MATN1: variants seen among roughly 807,000 people sequenced by gnomAD.
MATN1 encodes matrilin 1, also known as matrilin-1.
Under a neutral mutation model 41.3 loss-of-function variants are expected in MATN1, and 34 were observed. The ratio of observed to expected loss-of-function variants is 0.82; its 90% CI spans 0.63 to 1.10. MATN1 has a LOEUF of 1.10. Among genes scored for constraint, MATN1 ranks in the 50% least tolerant of loss-of-function variants. MATN1 has a pLI of 0.00. For missense variants in MATN1, 602 were observed against 662.4 expected (o/e 0.91, Z 1.00); for synonymous variants, 264 against 278.7 (o/e 0.95, Z 0.53).
Position 30,711,913 on chromosome 1 carries a change from G to C in MATN1, c.*1669C>G, listed in dbSNP as rs1177387318. The C allele has an allele frequency of 6.6e-6, 1 of 152,470 alleles. No individual in the cohort carries two copies. Among genetic ancestry groups the C allele is most frequent in the Non-Finnish European group, 1.5e-5 (1 of 68,080 alleles). The allele number at this position is 152,470 out of a possible 1,614,324, so 9.4% of individuals were successfully genotyped here. On this transcript the variant is annotated 3_prime_UTR_variant, in exon 8 of 8. Transcript: ENST00000373765. ...ACAGCAGAAAAACTCCTGCCCCAGG[G>C]ACGGACAGAGAGAAAGGGTTTGGTG...
chr1:30,721,191 G>C, intron 2 of MATN1: 1 of 584,038 alleles, frequency 1.7e-6, no homozygotes, highest in African/African-American at 1.9e-5. Context: ...TCCTAGGATG[G>C]AAAGGTTGGG....
At chr1:30,721,837 A>G in intron 1 of MATN1, 86 bp from the exon 2 acceptor site, 2 of 1,164,382 alleles carry the variant, frequency 1.7e-6, no homozygotes, top group Middle Eastern at 4.2e-4. Context: ...GGCTTCTTAG[A>G]TCCAGGTGCG....
intron 1 of MATN1, among the ~76,000 whole-genome samples, chr1:30,722,489 G>T (rs761616783): frequency 3.3e-5 from 5 of 152,240 alleles, no homozygotes; most frequent in Non-Finnish European, 7.3e-5. Flanking sequence ...AAGTATGCAG[G>T]GTCAGAGTGA....
chr1:30,714,210 C>G, intron 7 of MATN1, 37 bp downstream of exon 7: 1 of 1,528,962 alleles, frequency 6.5e-7, no homozygotes, highest in Non-Finnish European at 8.9e-7. Context: ...CTGGCCTGCG[C>G]CCCTCCCCAG....
At position 30,713,620 on chromosome 1, in the gene MATN1, T is replaced by A; in HGVS notation, c.1453A>T (p.Ser485Cys). ...TTCTCCAGGATGGCCAGCCGCTTAC[T>A]CACAGCTTCCAGTGGACTCAGAGTT... ...QALTRKLEAV[S>C]KRLAILENTV... The change falls in exon 8 of 8, where the codon AGT (serine) becomes TGT (cysteine). Residue 485 changes from serine to cysteine, a missense_variant. Coordinates refer to ENST00000373765, the MANE Select transcript of MATN1 (RefSeq NM_002379.3). 2 of 1,553,714 alleles carry A rather than the reference T, an allele frequency of 1.3e-6. No individual in the cohort carries two copies. The highest frequency in any genetic ancestry group is 1.7e-6 in the Non-Finnish European group (2 of 1,147,820).
chr1:30,714,899 G>T (rs569726996), intron 6 of MATN1, among the ~76,000 whole-genome samples: 29 of 152,310 alleles, frequency 1.9e-4, no homozygotes, highest in African/African-American at 6.5e-4. Flanking sequence ...ATAAAATGGG[G>T]TTAATGACAT....
rs1178149663 is a variant in MATN1 at position 30,721,496 on chromosome 1, C to A, written c.350G>T (p.Gly117Val). The A allele has an allele frequency of 6.2e-7, 1 of 1,613,520 alleles. No homozygotes were observed. The highest frequency in any genetic ancestry group is 8.5e-7 in the Non-Finnish European group (1 of 1,180,032). ...AVRRIQPLST[G>V]TMTGLAIQFA... is the part of the protein sequence containing the mutation. ...CTGGATGGCCAGGCCGGTCATGGTG[C>A]CTGTGGACAGCGGCTGGATACGGCG... The change falls in exon 2 of 8, where the codon GGC becomes GTC. Residue 117 changes from glycine to valine, a missense_variant. Gly to Val is a moderately radical substitution (Grantham distance 109). Transcript: ENST00000373765.
At position 30,712,010 on chromosome 1, in the gene MATN1, T is replaced by G. The variant is rs1188401; in HGVS notation, c.*1572A>C. On this transcript the variant is annotated 3_prime_UTR_variant, in exon 8 of 8. Coordinates refer to ENST00000373765, the MANE Select transcript of MATN1 (RefSeq NM_002379.3). ...GCCCCAGTTAAGTCGCGCTTGTGTA[T>G]TTGTGCTGTTGTACTGATGTAGCTC... 82,591 of 152,146 alleles carry G rather than the reference T, an allele frequency of 0.54. 23,359 individuals carry two copies. The highest frequency in any genetic ancestry group is 0.71 in the African/African-American group (29,254 of 41,348). 9.4% of individuals were successfully genotyped at this position (152,146 alleles called of 1,614,324 possible).
Position 30,721,609 on chromosome 1 carries a change from C to A in MATN1, c.237G>T (p.Arg79=). The A allele has an allele frequency of 6.2e-7, 1 of 1,613,508 alleles. No individual in the cohort carries two copies. Among genetic ancestry groups the A allele is most frequent in the East Asian group, 2.2e-5 (1 of 44,886 alleles). Residue 79 remains arginine, a synonymous_variant, in exon 2 of 8, where the codon CGG becomes CGT. Transcript: ENST00000373765. ...TGCTGGCATAGTTGACCATGCCCAC[C>A]CGGGTGGCATTGGGCCCCACGTCCA... ...ESLDVGPNAT[R]VGMVNYASTV... is the part of the protein sequence containing the mutation.
rs370279064 is a variant in MATN1, at chr1:30,723,443, C to T, written c.94+15G>A. 227 of 1,491,790 alleles carry T rather than the reference C, an allele frequency of 1.5e-4. 4 individuals carry two copies. In the South Asian group the frequency reaches 2.0e-3, roughly 13 times the overall value. The allele number at this position is 1,491,790 out of a possible 1,614,324, so 92.4% of individuals were successfully genotyped here. ...CACTAGCTCAGTAGCCCCCATCTCA[C>T]GCAAGCCCCCTCACCTCTGGACTGG... On this transcript the variant is annotated intron_variant, in intron 1 of 7. Coordinates refer to ENST00000373765, the MANE Select transcript of MATN1 (RefSeq NM_002379.3).
Position 30,723,466 on chromosome 1 carries a change from TG to T in MATN1, c.85del (p.Gln29SerfsTer32), listed in dbSNP as rs1419789464. ...QALCSPGLAP[Q>X]SRGHLCRTRP... Reference sequence around the variant, plus strand: ...CACGCAAGCCCCCTCACCTCTGGACTGGGGGGCGAGGCCAGGGCTGCACAGG... The same window carrying T: ...CACGCAAGCCCCCTCACCTCTGGACTGGGGGCGAGGCCAGGGCTGCACAGG... On this transcript the variant is annotated frameshift_variant, in exon 1 of 8. Transcript: ENST00000373765. LOFTEE classifies it high-confidence loss of function. 5 of 1,522,226 alleles carry T rather than the reference TG, an allele frequency of 3.3e-6. No individual in the cohort carries two copies. Among genetic ancestry groups the T allele is most frequent in the Admixed American group, 4.3e-5 (2 of 46,074 alleles). The allele number at this position is 1,522,226 out of a possible 1,614,324, so 94.3% of individuals were successfully genotyped here.
chr1:30,721,522 C>T lies in MATN1; in HGVS notation c.324G>A (p.Val108=). ...HVSKAALLQA[V]RRIQPLSTGT... is the part of the protein sequence containing the mutation. ...CTGTGGACAGCGGCTGGATACGGCG[C>T]ACAGCCTGCAGCAGTGCGGCCTTGG... Residue 108 remains valine, a synonymous_variant, in exon 2 of 8, where the codon GTG becomes GTA. Transcript: ENST00000373765. 1 of 1,613,246 alleles carries T rather than the reference C, an allele frequency of 6.2e-7. No individual in the cohort carries two copies. The highest frequency in any genetic ancestry group is 8.5e-7 in the Non-Finnish European group (1 of 1,180,044).
rs1211549495 is a variant in MATN1, at chr1:30,723,515, T to C, written c.37A>G (p.Ser13Gly). Residue 13 changes from serine (S) to glycine (G), a missense_variant, in exon 1 of 8, where the codon AGC (serine) becomes GGC (glycine). Ser to Gly is a moderately conservative substitution (Grantham distance 56). Transcript: ENST00000373765. ...VLSGTSLMLC[S>G]LLLLLQALCS... The stretch of plus-strand genomic sequence containing the variant: ...AGGGCCTGGAGCAGCAGCAGCAGGC[T>C]GCAGAGCATGAGGCTAGTGCCAGAG... 6.5e-7 allele frequency: 1 copy of C among 1,535,830 alleles called. No homozygotes were observed.
intron 3 of MATN1, 124 bp downstream of exon 3, chr1:30,718,611 T>A: frequency 3.7e-4 from 15 of 41,052 alleles, no homozygotes; most frequent in Middle Eastern, 0.013. Flanking sequence ...GCCCCGCCCC[T>A]GCCCTGCGCC....
Position 30,715,312 on chromosome 1 carries a change from G to T in MATN1, c.1208-3C>A. The T allele has an allele frequency of 6.2e-7, 1 of 1,614,034 alleles. No homozygotes were observed. The highest frequency in any genetic ancestry group is 1.3e-5 in the African/African-American group (1 of 75,052). On this transcript the variant is annotated splice_region_variant and splice_polypyrimidine_tract_variant and intron_variant, in intron 5 of 7. Coordinates refer to ENST00000373765, the MANE Select transcript of MATN1 (RefSeq NM_002379.3). ...ACCCACAGCAAACATCTTAAAGCCT[G>T]CCAGGAGGAACAGGAGAAGTAAGGC...
chr1:30,713,068 T>A lies in MATN1; in HGVS notation c.*514A>T, dbSNP rs1639573022. 1 of 159,874 alleles carries A rather than the reference T, an allele frequency of 6.3e-6. No homozygotes were observed. Among genetic ancestry groups the A allele is most frequent in the Non-Finnish European group, 1.4e-5 (1 of 71,944 alleles). 9.9% of individuals were successfully genotyped at this position (159,874 alleles called of 1,614,324 possible). A position where few individuals can be genotyped will look rare whatever the true frequency, so the allele number is the denominator to read the frequency against. On this transcript the variant is annotated 3_prime_UTR_variant, in exon 8 of 8. Transcript: ENST00000373765. ...ATCACTGTCACCACCACTGTTACCA[T>A]CCTTCCAACCATCCCCTCCCACCAC... is the stretch of plus-strand genomic sequence containing the variant.
At chr1:30,719,850 G>C (rs758579476) in intron 2 of MATN1, 2 of 153,016 alleles carry the variant, frequency 1.3e-5, no homozygotes, top group African/African-American at 2.4e-5. Context: ...CTGTCCTGAT[G>C]ACAGGCAGTT....
At position 30,715,699 on chromosome 1, in the gene MATN1, A is replaced by T. The variant is rs181881598; in HGVS notation, c.1207+210T>A. Among the ~76,000 whole-genome samples the T allele has an allele frequency of 7.9e-5, 12 of 152,322 alleles. No homozygotes were observed. The East Asian group carries it at 1.7e-3, about 22-fold the overall frequency. On this transcript the variant is annotated intron_variant, in intron 5 of 7. Transcript: ENST00000373765. ...GGAAAAGTTCCAAGCCTCACTTACA[A>T]AAGGACCATCAAAACAAGCCACTTA...
chr1:30,719,897 T>C (rs986755338), intron 2 of MATN1: 4 of 152,674 alleles, frequency 2.6e-5, no homozygotes, highest in African/African-American at 7.2e-5. Context: ...CTCCACAAGC[T>C]ACAGGTCACC....
Sources: gnomAD v4.1 joint callset for allele counts (sites outside exome capture counted in the v4.1 genomes callset) on GRCh38, gnomAD v4.1.1 for gene constraint, MANE v1.5 for transcripts, NCBI Gene and HGNC (gene_info 2026-07-23, HGNC 2026-07-21) for gene names.